The following MTF2 variants were observed in gnomAD, a reference collection of about 807,000 sequenced individuals.
MTF2 encodes metal response element binding transcription factor 2, also known as metal-response element-binding transcription factor 2.
Under a neutral mutation model 79.5 loss-of-function variants are expected in MTF2, and 11 were observed. The ratio of observed to expected loss-of-function variants is 0.14; its 90% CI spans 0.09 to 0.23. The LOEUF (loss-of-function observed/expected upper bound fraction) is 0.23, where lower values mean the gene tolerates loss of function less well. MTF2 is among the 10% of genes least tolerant of loss of function. The pLI is 1.00. For missense variants in MTF2, 486 were observed against 711.2 expected (o/e 0.68, Z 3.60); for synonymous variants, 208 against 232.8 (o/e 0.89, Z 0.97).
intron 11 of MTF2, among the ~76,000 whole-genome samples, chr1:93,132,053 A>G (rs1656939905): frequency 6.6e-6 from 1 of 152,146 alleles, no homozygotes. Context: ...AGATAAGGAA[A>G]TTGACTGAAG....
At position 93,120,742 on chromosome 1, in the gene MTF2, AC is replaced by A. The variant is rs1478602008; in HGVS notation, c.921+71del. 18 of 1,561,272 alleles carry A rather than the reference AC, an allele frequency of 1.2e-5. No homozygotes were observed. In the African/African-American group the frequency reaches 1.3e-4, roughly 11 times the overall value. On this transcript the variant is annotated intron_variant, in intron 9 of 14. Transcript: ENST00000370298. ...TTTGTTTTGTTTTGTTTTTCAAAAA[AC>A]AACTGAGACACATGTATAAGTCAGA...
At chr1:93,084,186 C>G (rs1048762779) in intron 1 of MTF2, among the ~76,000 whole-genome samples, 1 of 151,872 alleles carries the variant, frequency 6.6e-6, no homozygotes, top group South Asian at 2.1e-4. Flanking sequence ...GGTAGGGGTC[C>G]AACTTCAGTG....
At chr1:93,083,184 G>A (rs542970759) in intron 1 of MTF2, among the ~76,000 whole-genome samples, 3 of 152,280 alleles carry the variant, frequency 2.0e-5, no homozygotes, top group South Asian at 4.1e-4. Flanking sequence ...TAGAGATGGG[G>A]GCGGCTCCAC....
chr1:93,121,793 T>G, intron 9 of MTF2: 1 of 842 alleles, frequency 1.2e-3, no homozygotes. Flanking sequence ...GTACATTTGA[T>G]TTTTTTTTTT....
At chr1:93,086,636 CAT>C (rs1373755253) in intron 1 of MTF2, among the ~76,000 whole-genome samples, 9 of 151,884 alleles carry the variant, frequency 5.9e-5, no homozygotes, top group African/African-American at 2.2e-4. Flanking sequence ...GATGCAAAGA[CAT>C]ATTCCTGTGG....
chr1:93,125,302 GTTTTT>G (rs747981072), intron 9 of MTF2, among the ~76,000 whole-genome samples: 1 of 75,558 alleles, frequency 1.3e-5, no homozygotes, highest in Non-Finnish European at 3.5e-5. Context: ...GTTTGTCAGT[GTTTTT>G]TTTTTTTTTT....
intron 1 of MTF2, among the ~76,000 whole-genome samples, chr1:93,080,705 G>GTATA (rs1654568607): frequency 6.7e-6 from 1 of 150,312 alleles, no homozygotes; most frequent in Non-Finnish European, 1.5e-5. Flanking sequence ...TGACCCTCCT[G>GTATA]TATACCTAGC....
chr1:93,113,828 A>G (rs938691367), intron 3 of MTF2, among the ~76,000 whole-genome samples: 1 of 151,916 alleles, frequency 6.6e-6, no homozygotes, highest in African/African-American at 2.4e-5. Flanking sequence ...GAATTAAACA[A>G]AATATATCAA....
chr1:93,137,166 CCTTAACATGTA>C lies in MTF2; in HGVS notation c.*141_*151del. ...AATTCAAAAAAGGGGATGATACTAG[CCTTAACATGTA>C]CCTGTCAATGTTATGGATATTGTCA... On this transcript the variant is annotated 3_prime_UTR_variant, in exon 15 of 15. Coordinates refer to ENST00000370298, the MANE Select transcript of MTF2 (RefSeq NM_007358.4). 1 of 619,476 alleles carries C rather than the reference CCTTAACATGTA, an allele frequency of 1.6e-6. No individual in the cohort carries two copies. The highest frequency in any genetic ancestry group is 1.8e-5 in the African/African-American group (1 of 54,304). 38.4% of individuals were successfully genotyped at this position (619,476 alleles called of 1,614,324 possible).
At chr1:93,088,499 A>G (rs1174649449) in intron 1 of MTF2, among the ~76,000 whole-genome samples, 2 of 152,204 alleles carry the variant, frequency 1.3e-5, no homozygotes, top group Admixed American at 6.5e-5. Context: ...TTTGAAATCT[A>G]TTACTGTTTC....
intron 1 of MTF2, among the ~76,000 whole-genome samples, chr1:93,096,808 C>CTTTTT (rs961849389): frequency 7.3e-6 from 1 of 136,268 alleles, no homozygotes; most frequent in African/African-American, 2.8e-5. Context: ...TTTTCTTTTT[C>CTTTTT]TTTTTTTTTT....
chr1:93,083,600 G>A (rs1040924704), intron 1 of MTF2, among the ~76,000 whole-genome samples: 35 of 152,060 alleles, frequency 2.3e-4, no homozygotes, highest in Non-Finnish European at 1.5e-4. Flanking sequence ...AAATTACTGG[G>A]TCAGATGATA....
At chr1:93,094,105 T>C (rs1028099476) in intron 1 of MTF2, among the ~76,000 whole-genome samples, 6 of 152,208 alleles carry the variant, frequency 3.9e-5, no homozygotes, top group African/African-American at 1.4e-4. Flanking sequence ...TTTTGTTCAG[T>C]TTGCTGGACA....
intron 9 of MTF2, chr1:93,121,159 A>G: frequency 2.0e-6 from 2 of 984,812 alleles, no homozygotes; most frequent in Middle Eastern, 5.2e-4. Flanking sequence ...CTGAATAGAA[A>G]ATTATCCCCT....
At chr1:93,122,245 T>G (rs1446739021) in intron 9 of MTF2, among the ~76,000 whole-genome samples, 1 of 152,218 alleles carries the variant, frequency 6.6e-6, no homozygotes, top group Admixed American at 6.5e-5. Context: ...CCATTATTCT[T>G]TTAGCACTTC....
At chr1:93,087,486 T>G (rs1305310670) in intron 1 of MTF2, among the ~76,000 whole-genome samples, 1 of 151,276 alleles carries the variant, frequency 6.6e-6, no homozygotes, top group East Asian at 1.9e-4. Context: ...GCAGGAGAAT[T>G]GCTTGAACCC....
chr1:93,114,428 A>T (rs921820520), intron 3 of MTF2, among the ~76,000 whole-genome samples: 15 of 152,242 alleles, frequency 9.9e-5, no homozygotes, highest in African/African-American at 3.6e-4. Context: ...AGAAATGAGT[A>T]ATAAGGGAAG....
intron 1 of MTF2, among the ~76,000 whole-genome samples, chr1:93,104,096 A>G (rs1571228601): frequency 7.4e-6 from 1 of 134,284 alleles, no homozygotes; most frequent in Admixed American, 7.4e-5. Context: ...ATGCCACTAC[A>G]CCCAGCTTTT....
intron 4 of MTF2, 39 bp downstream of exon 4, chr1:93,114,822 T>C (rs1188336153): frequency 6.8e-7 from 1 of 1,474,982 alleles, no homozygotes; most frequent in Non-Finnish European, 9.3e-7. Context: ...ACATACTGAA[T>C]GACTATGTTG....
Sources: gnomAD v4.1 joint callset for allele counts (sites outside exome capture counted in the v4.1 genomes callset) on GRCh38, gnomAD v4.1.1 for gene constraint, MANE v1.5 for transcripts, NCBI Gene and HGNC (gene_info 2026-07-23, HGNC 2026-07-21) for gene names.